The following CAMK2D variants were observed in gnomAD, a reference collection of about 807,000 sequenced individuals.
The protein encoded by CAMK2D is calcium/calmodulin-dependent protein kinase type II subunit delta.
Under a neutral mutation model 84.0 loss-of-function variants are expected in CAMK2D, and 37 were observed. The observed-to-expected ratio is 0.44, with a 90% confidence interval of 0.34 to 0.58. The LOEUF (loss-of-function observed/expected upper bound fraction) is 0.58, where lower values mean the gene tolerates loss of function less well. Among genes scored for constraint, CAMK2D ranks in the 20% least tolerant of loss-of-function variants. CAMK2D has a pLI of 0.02. For synonymous variants in CAMK2D, 202 were observed against 212.5 expected, an observed-to-expected ratio of 0.95 and a Z score of 0.43; for missense variants, 448 against 652.5, an observed-to-expected ratio of 0.69 and a Z score of 3.41.
rs903163116 is a variant in CAMK2D, at chr4:113,507,921, A to C, written c.984+1717T>G. On this transcript the variant is annotated intron_variant, in intron 13 of 20. Transcript: ENST00000511664. ...ATAAAGAACATTAAAAAAAACATAT[A>C]GTTTTTTGTTTGTTTGTTTTTACTG... Among the ~76,000 whole-genome samples the C allele has an allele frequency of 1.3e-4, 20 of 150,988 alleles. 1 individual carries two copies. The East Asian group carries it at 3.9e-3, about 29-fold the overall frequency.
At chr4:113,630,781 C>G (rs545738110) in intron 3 of CAMK2D, among the ~76,000 whole-genome samples, 1 of 152,138 alleles carries the variant, frequency 6.6e-6, no homozygotes, top group South Asian at 2.1e-4. Context: ...TGGCAAACAT[C>G]TGTTAGATGG....
chr4:113,562,959 A>C lies in CAMK2D; in HGVS notation c.276-10863T>G, dbSNP rs374715589. 2.6e-5 allele frequency among the ~76,000 whole-genome samples: 4 copies of C among 151,802 alleles called. No homozygotes were observed. In the East Asian group the frequency reaches 7.7e-4, roughly 29 times the overall value. ...AAGATAATCTTTAGCTGTGGACTTA[A>C]AAATAAAATGCATTCTGGCCGGGCA... On this transcript the variant is annotated intron_variant, in intron 4 of 20. Coordinates refer to ENST00000511664, the MANE Select transcript of CAMK2D (RefSeq NM_001321571.2).
rs2098240652 is a variant in CAMK2D at position 113,513,221 on chromosome 4, A to G, written c.946+107T>C. ...GCCACACATTTGCCACCCCTGAACA[A>G]TGAAGTTTTTCTAATTATTAGATTT... On this transcript the variant is annotated intron_variant, in intron 12 of 20. Coordinates refer to ENST00000511664, the MANE Select transcript of CAMK2D (RefSeq NM_001321571.2). 3.2e-6 allele frequency: 5 copies of G among 1,563,382 alleles called. No homozygotes were observed. In the Admixed American group the frequency reaches 7.7e-5, roughly 24 times the overall value.
In CAMK2D at chr4:113,517,578, C is replaced by T; in HGVS notation, c.681G>A (p.Lys227=). ...EDQHRLYQQI[K]AGAYDFPSPE... is the part of the protein sequence containing the mutation. ...TATTACATACATCATAAGCTCCAGC[C>T]TTGATCTGCTGATAGAGTCTGTGTT... is the stretch of plus-strand genomic sequence containing the variant. The change falls in exon 9 of 21, where the codon AAG becomes AAA. Residue 227 remains lysine, a synonymous_variant. Transcript: ENST00000511664. The T allele has an allele frequency of 6.4e-7, 1 of 1,559,818 alleles. No individual in the cohort carries two copies. The highest frequency in any genetic ancestry group is 8.8e-7 in the Non-Finnish European group (1 of 1,132,572).
intron 2 of CAMK2D, among the ~76,000 whole-genome samples, chr4:113,716,534 C>T (rs543856080): frequency 8.3e-4 from 125 of 151,130 alleles, no homozygotes; most frequent in African/African-American, 2.8e-3. Flanking sequence ...ACCTGTAGTC[C>T]CAGTTACTCT....
At chr4:113,692,706 A>C (rs2099391443) in intron 2 of CAMK2D, among the ~76,000 whole-genome samples, 1 of 151,968 alleles carries the variant, frequency 6.6e-6, no homozygotes, top group Admixed American at 6.6e-5. Context: ...ATATTCATAC[A>C]TATTCATATA....
chr4:113,462,518 C>T (rs931482432), intron 17 of CAMK2D, among the ~76,000 whole-genome samples: 3 of 152,062 alleles, frequency 2.0e-5, no homozygotes, highest in African/African-American at 4.8e-5. Context: ...CAAAAGCTCT[C>T]GAATGGAAGC....
chr4:113,468,432 A>C lies in CAMK2D; in HGVS notation c.1136-2828T>G, dbSNP rs532216344. On this transcript the variant is annotated intron_variant, in intron 16 of 20. Coordinates refer to ENST00000511664, the MANE Select transcript of CAMK2D (RefSeq NM_001321571.2). ...GGGCCTGGAACTCAGGAATCTTTAGAGTGCTTATTTCACTGGGGCAAAGGA... is the reference window on the plus strand; with the variant it reads ...GGGCCTGGAACTCAGGAATCTTTAGCGTGCTTATTTCACTGGGGCAAAGGA... 2.5e-3 allele frequency among the ~76,000 whole-genome samples: 385 copies of C among 152,268 alleles called. 2 individuals carry two copies. The highest frequency in any genetic ancestry group is 3.6e-3 in the Non-Finnish European group (246 of 68,010).
intron 11 of CAMK2D, 30 bp from the exon 12 acceptor site, chr4:113,513,400 G>C: frequency 7.0e-7 from 1 of 1,433,850 alleles, no homozygotes; most frequent in Non-Finnish European, 9.8e-7. Context: ...ACAAAAGTCA[G>C]TGTTGCCTAT....
chr4:113,568,244 C>A (rs1485616701), intron 4 of CAMK2D, among the ~76,000 whole-genome samples: 1 of 152,168 alleles, frequency 6.6e-6, no homozygotes, highest in Non-Finnish European at 1.5e-5. Context: ...CCCCTCTCCT[C>A]CAGCACCTGG....
intron 2 of CAMK2D, among the ~76,000 whole-genome samples, chr4:113,734,109 A>G (rs909634396): frequency 6.6e-6 from 1 of 152,170 alleles, no homozygotes; most frequent in African/African-American, 2.4e-5. Flanking sequence ...TTTTTTTTAA[A>G]TAATAGGGGT....
intron 16 of CAMK2D, among the ~76,000 whole-genome samples, chr4:113,479,144 GA>G (rs1341438130): frequency 6.6e-6 from 1 of 152,164 alleles, no homozygotes; most frequent in Non-Finnish European, 1.5e-5. Flanking sequence ...AGGAAACACT[GA>G]ACCGGGTAAT....
intron 2 of CAMK2D, among the ~76,000 whole-genome samples, chr4:113,734,139 T>G (rs2099575659): frequency 6.6e-6 from 1 of 152,180 alleles, no homozygotes; most frequent in Non-Finnish European, 1.5e-5. Context: ...GTTTTAGCTT[T>G]GAACTGAGGG....
chr4:113,546,754 T>G (rs2098577898), intron 6 of CAMK2D, among the ~76,000 whole-genome samples: 1 of 152,236 alleles, frequency 6.6e-6, no homozygotes, highest in African/African-American at 2.4e-5. Flanking sequence ...TTTACTATTT[T>G]ACTCATCCAG....
intron 2 of CAMK2D, among the ~76,000 whole-genome samples, chr4:113,715,651 C>A (rs868529817): frequency 1.8e-4 from 28 of 152,212 alleles, no homozygotes; most frequent in African/African-American, 6.7e-4. Context: ...ATGCTGTGAA[C>A]TGTATACCTC....
intron 7 of CAMK2D, among the ~76,000 whole-genome samples, chr4:113,533,181 G>C (rs997362475): frequency 1.3e-5 from 2 of 151,912 alleles, no homozygotes; most frequent in Non-Finnish European, 2.9e-5. Context: ...ACCTCTTCTG[G>C]AGACTAAAAT....
chr4:113,659,747 TACAGCCAA>T (rs1275485022), intron 3 of CAMK2D, among the ~76,000 whole-genome samples: 1 of 152,188 alleles, frequency 6.6e-6, no homozygotes, highest in Non-Finnish European at 1.5e-5. Context: ...AGCAAACCAA[TACAGCCAA>T]ACAAGAAATG....
intron 17 of CAMK2D, among the ~76,000 whole-genome samples, chr4:113,463,281 TTCACACATAATTTTACC>T (rs1254525197): frequency 6.6e-6 from 1 of 152,162 alleles, no homozygotes; most frequent in East Asian, 1.9e-4. Context: ...AGGAAAAAAA[TTCACACATAATTTTACC>T]TCTCAGAGGC....
intron 2 of CAMK2D, among the ~76,000 whole-genome samples, chr4:113,756,070 C>A (rs2099627926): frequency 6.6e-6 from 1 of 151,930 alleles, no homozygotes; most frequent in Non-Finnish European, 1.5e-5. Context: ...CACATGCTAA[C>A]ACAAAAGGTA....
Sources: allele counts gnomAD v4.1 joint callset (sites outside exome capture counted in the v4.1 genomes callset), GRCh38; gene constraint gnomAD v4.1.1; transcripts MANE v1.5; gene names NCBI Gene and HGNC (gene_info 2026-07-23, HGNC 2026-07-21).